Variants in BEND5 observed in about 807,000 individuals in gnomAD.
BEND5 encodes BEN domain-containing protein 5.
A neutral mutation model predicts 43.9 loss-of-function variants in BEND5; 22 were observed. The ratio of observed to expected loss-of-function variants is 0.50; its 90% confidence interval spans 0.36 to 0.72. BEND5 has a LOEUF of 0.72. Ranked by LOEUF, BEND5 falls within the 30% of genes least tolerant of loss-of-function variation. The probability of loss-of-function intolerance (pLI) is 0.00; values close to 1 mark genes in which losing one functional copy is unlikely to be tolerated. For missense variants in BEND5, 428 were observed against 550.6 expected, an observed-to-expected ratio of 0.78 and a Z score of 2.23; for synonymous variants, 228 against 225.9, an observed-to-expected ratio of 1.01 and a Z score of -0.08.
intron 1 of BEND5, among the ~76,000 whole-genome samples, chr1:48,768,962 A>G (rs1226469656): frequency 6.6e-6 from 1 of 152,070 alleles, no homozygotes; most frequent in East Asian, 1.9e-4. Flanking sequence ...CCAAGACTAC[A>G]AAAAAAAGAG....
At chr1:48,757,316 C>T (rs1403845864) in intron 3 of BEND5, among the ~76,000 whole-genome samples, 2 of 152,182 alleles carry the variant, frequency 1.3e-5, no homozygotes, top group Admixed American at 1.3e-4. Context: ...ACTACAAGAA[C>T]AATACAGCTT....
intron 3 of BEND5, among the ~76,000 whole-genome samples, chr1:48,751,523 C>G (rs955263577): frequency 2.1e-4 from 32 of 152,188 alleles, no homozygotes; most frequent in African/African-American, 7.5e-4. Flanking sequence ...CCTGTTTTAT[C>G]CACTGCTGAG....
At position 48,761,384 on chromosome 1, in the gene BEND5, C is replaced by G. The variant is rs1297406570; in HGVS notation, c.313G>C (p.Glu105Gln). Reference sequence around the variant, plus strand: ...TCTTCTTCCCCATAATCTTTAACCTCTCCATCTTCTTCTACATGATTAAGA... The same window carrying G: ...TCTTCTTCCCCATAATCTTTAACCTGTCCATCTTCTTCTACATGATTAAGA... ...LSLNHVEEDG[E>Q]VKDYGEEDLQ... The change falls in exon 2 of 6, where the codon GAG becomes CAG. Residue 105 changes from glutamate (E) to glutamine (Q), a missense_variant. Physicochemically the swap from Glu to Gln is conservative, Grantham distance 29. This residue lies in a region of BEND5 where 243 missense variants were observed against 286.4 expected (regional missense o/e 0.85). Transcript: ENST00000371833. 6.4e-7 allele frequency: 1 copy of G among 1,551,982 alleles called. No individual in the cohort carries two copies. Among genetic ancestry groups the G allele is most frequent in the Non-Finnish European group, 8.7e-7 (1 of 1,147,012 alleles).
At chr1:48,745,097 T>A (rs891903748) in intron 3 of BEND5, among the ~76,000 whole-genome samples, 1 of 152,194 alleles carries the variant, frequency 6.6e-6, no homozygotes, top group African/African-American at 2.4e-5. Flanking sequence ...AAGAGCAAAG[T>A]TTTACTCCCT....
At chr1:48,773,719 G>GTCCCAAC (rs1644945391) in intron 1 of BEND5, among the ~76,000 whole-genome samples, 1 of 152,226 alleles carries the variant, frequency 6.6e-6, no homozygotes, top group Non-Finnish European at 1.5e-5. Flanking sequence ...CCTGGCACTG[G>GTCCCAAC]AAGACCTGTG....
chr1:48,750,250 T>C (rs1355433716), intron 3 of BEND5, among the ~76,000 whole-genome samples: 2 of 152,164 alleles, frequency 1.3e-5, no homozygotes, highest in Non-Finnish European at 2.9e-5. Flanking sequence ...AGTGCCCCCA[T>C]GAACCACCTG....
intron 1 of BEND5, among the ~76,000 whole-genome samples, chr1:48,775,033 C>T (rs537589060): frequency 6.6e-6 from 1 of 152,184 alleles, no homozygotes; most frequent in Non-Finnish European, 1.5e-5. Context: ...TCAAGCCTAT[C>T]GTCTTGGGAA....
chr1:48,753,268 T>C (rs1432467351), intron 3 of BEND5, among the ~76,000 whole-genome samples: 1 of 152,200 alleles, frequency 6.6e-6, no homozygotes, highest in Non-Finnish European at 1.5e-5. Context: ...GGCTTTAAGA[T>C]ACCTAGAGGA....
At chr1:48,752,799 G>C (rs1424410689) in intron 3 of BEND5, among the ~76,000 whole-genome samples, 1 of 152,062 alleles carries the variant, frequency 6.6e-6, no homozygotes, top group African/African-American at 2.4e-5. Flanking sequence ...CGCCAGGCTG[G>C]AGTGCAGTGG....
In BEND5 at chr1:48,759,451, A is replaced by C. The variant is rs1158787009; in HGVS notation, c.361-167T>G. ...AAAGCCCTTCATTTTATAAATGGGG[A>C]AACATTTTATAAATTTTATAAATGG... On this transcript the variant is annotated intron_variant, in intron 2 of 5. Coordinates refer to ENST00000371833, the MANE Select transcript of BEND5 (RefSeq NM_024603.4). 2.4e-6 allele frequency: 3 copies of C among 1,264,390 alleles called. No homozygotes were observed. In the African/African-American group the frequency reaches 4.6e-5, roughly 19 times the overall value. The allele number at this position is 1,264,390 out of a possible 1,614,324, so 78.3% of individuals were successfully genotyped here. A position where few individuals can be genotyped will look rare whatever the true frequency, so the allele number is the denominator to read the frequency against.
intron 3 of BEND5, among the ~76,000 whole-genome samples, chr1:48,747,441 A>G (rs565588257): frequency 6.6e-6 from 1 of 152,216 alleles, no homozygotes; most frequent in Non-Finnish European, 1.5e-5. Context: ...CCCTGACTGC[A>G]TATCAAGATC....
intron 1 of BEND5, among the ~76,000 whole-genome samples, chr1:48,770,475 TTAAC>T (rs1383642995): frequency 6.6e-6 from 1 of 152,152 alleles, no homozygotes; most frequent in Non-Finnish European, 1.5e-5. Context: ...AGGCTCTTCT[TTAAC>T]TGTGCCTTTA....
At chr1:48,728,156 T>C (rs1046940476) in intron 5 of BEND5, 113 bp from the exon 6 acceptor site, 26 of 933,108 alleles carry the variant, frequency 2.8e-5, no homozygotes, top group East Asian at 5.2e-5. Flanking sequence ...TACCAGCTTA[T>C]GTATCTGGCA....
chr1:48,740,382 T>C (rs12408014), intron 4 of BEND5, among the ~76,000 whole-genome samples: 3,666 of 152,316 alleles, frequency 0.024, 127 homozygotes, highest in Admixed American at 0.1. Context: ...GAGTCCCTTC[T>C]CTGGATATGT....
At chr1:48,771,519 C>G (rs1278676980) in intron 1 of BEND5, among the ~76,000 whole-genome samples, 2 of 152,136 alleles carry the variant, frequency 1.3e-5, no homozygotes, top group African/African-American at 2.4e-5. Flanking sequence ...TTAGACTGAA[C>G]CCTCAATGGT....
intron 3 of BEND5, among the ~76,000 whole-genome samples, chr1:48,757,523 G>T (rs1355948714): frequency 2.6e-5 from 4 of 152,138 alleles, no homozygotes; most frequent in Non-Finnish European, 5.9e-5. Flanking sequence ...AGTGACTAGA[G>T]TTGAGACAGA....
chr1:48,761,596 A>T (rs1163151680), intron 1 of BEND5, 126 bp from the exon 2 acceptor site: 2 of 995,800 alleles, frequency 2.0e-6, no homozygotes, highest in Non-Finnish European at 2.9e-6. Context: ...GGAAAAACAA[A>T]CAGACTCAAG....
At chr1:48,734,279 C>T (rs553855101) in intron 5 of BEND5, among the ~76,000 whole-genome samples, 2 of 152,322 alleles carry the variant, frequency 1.3e-5, no homozygotes, top group Non-Finnish European at 2.9e-5. Flanking sequence ...AATCTAGGCT[C>T]TGAAACCTTA....
intron 2 of BEND5, 73 bp downstream of exon 2, chr1:48,761,264 A>C (rs1644242554): frequency 6.9e-7 from 1 of 1,440,894 alleles, no homozygotes; most frequent in Admixed American, 2.5e-5. Flanking sequence ...AGGAAGCCAG[A>C]CTGAAACTCT....
Sources: allele counts gnomAD v4.1 joint callset (sites outside exome capture counted in the v4.1 genomes callset), GRCh38; gene constraint gnomAD v4.1.1; regional missense constraint gnomAD v4.1.1; transcripts MANE v1.5; gene names NCBI Gene and HGNC (gene_info 2026-07-23, HGNC 2026-07-21).